Variants in EAF2 observed in about 807,000 individuals in gnomAD.
EAF2 encodes the protein ELL associated factor 2.
EAF2 carries 29 observed loss-of-function variants against 29.4 expected under a neutral mutation model. The observed-to-expected ratio is 0.99, with a 90% CI of 0.73 to 1.35. The LOEUF is 1.35. Among genes scored for constraint, EAF2 ranks in the 40% most tolerant of loss-of-function variants. The pLI, the probability that EAF2 is intolerant of heterozygous loss-of-function variation, is 0.00. For synonymous variants in EAF2, 103 were observed against 102.5 expected, an observed-to-expected ratio of 1.00 and a Z score of -0.03; for missense variants, 292 against 312.0, an observed-to-expected ratio of 0.94 and a Z score of 0.48.
At chr3:121,874,405 G>C (rs1360544214) in intron 5 of EAF2, among the ~76,000 whole-genome samples, 1 of 151,762 alleles carries the variant, frequency 6.6e-6, no homozygotes, top group Non-Finnish European at 1.5e-5. Context: ...AGAGAACATG[G>C]AGAAAACTCA....
intron 1 of EAF2, among the ~76,000 whole-genome samples, chr3:121,842,752 G>C (rs1198974114): frequency 6.6e-6 from 1 of 151,966 alleles, no homozygotes; most frequent in Non-Finnish European, 1.5e-5. Flanking sequence ...CTCCTCAATA[G>C]CACTGTCCTT....
At chr3:121,850,240 T>C (rs1708607031) in intron 2 of EAF2, among the ~76,000 whole-genome samples, 1 of 131,024 alleles carries the variant, frequency 7.6e-6, no homozygotes, top group Non-Finnish European at 1.7e-5. Context: ...ATTTTTATCT[T>C]ATAGTTTATT....
At chr3:121,860,576 CT>C (rs1406005905) in intron 4 of EAF2, among the ~76,000 whole-genome samples, 1 of 151,924 alleles carries the variant, frequency 6.6e-6, no homozygotes, top group East Asian at 1.9e-4. Flanking sequence ...CTTTATTAGT[CT>C]TGCTAGTGGT....
intron 5 of EAF2, among the ~76,000 whole-genome samples, chr3:121,879,052 A>G (rs968079804): frequency 6.6e-6 from 1 of 151,316 alleles, no homozygotes; most frequent in Non-Finnish European, 1.5e-5. Flanking sequence ...CTTTTCAATA[A>G]TAGCCATTTT....
At chr3:121,845,038 G>A (rs1039993317) in intron 2 of EAF2, among the ~76,000 whole-genome samples, 2 of 151,474 alleles carry the variant, frequency 1.3e-5, no homozygotes. Context: ...AGATTTTATT[G>A]GGTAGACAAG....
At chr3:121,848,190 G>A (rs534000170) in intron 2 of EAF2, among the ~76,000 whole-genome samples, 11 of 152,218 alleles carry the variant, frequency 7.2e-5, no homozygotes, top group South Asian at 2.1e-4. Flanking sequence ...TTGTTAAGCC[G>A]CCTCTGAGCA....
intron 5 of EAF2, among the ~76,000 whole-genome samples, chr3:121,878,190 G>T (rs1184345985): frequency 2.0e-5 from 3 of 151,820 alleles, no homozygotes; most frequent in Non-Finnish European, 4.4e-5. Context: ...TCTTTAACAA[G>T]GGCTGAGAAG....
intron 2 of EAF2, among the ~76,000 whole-genome samples, chr3:121,850,522 A>G (rs1369277620): frequency 6.6e-6 from 1 of 151,926 alleles, no homozygotes; most frequent in African/African-American, 2.4e-5. Context: ...GAATACATTT[A>G]TTATCCCTTA....
chr3:121,880,461 T>C (rs1327330920), intron 5 of EAF2, among the ~76,000 whole-genome samples: 1 of 88,940 alleles, frequency 1.1e-5, no homozygotes, highest in Non-Finnish European at 2.4e-5. Context: ...TTGGGGTGTG[T>C]GTGTGTGTGT....
At chr3:121,866,707 A>G (rs935994718) in intron 4 of EAF2, among the ~76,000 whole-genome samples, 8 of 152,150 alleles carry the variant, frequency 5.3e-5, no homozygotes, top group African/African-American at 1.7e-4. Flanking sequence ...CCTGGGCAAC[A>G]GAGCAAAACT....
chr3:121,878,703 T>A (rs1380184635), intron 5 of EAF2, among the ~76,000 whole-genome samples: 1 of 152,136 alleles, frequency 6.6e-6, no homozygotes, highest in Non-Finnish European at 1.5e-5. Flanking sequence ...GACTTCCAGT[T>A]CCATTCATAC....
chr3:121,838,321 A>G (rs923341372), intron 1 of EAF2, among the ~76,000 whole-genome samples: 3 of 152,150 alleles, frequency 2.0e-5, no homozygotes, highest in African/African-American at 7.2e-5. Flanking sequence ...TGAGAAATGA[A>G]CTATTTAGTC....
chr3:121,859,135 A>T (rs975532179), intron 4 of EAF2, among the ~76,000 whole-genome samples: 1 of 152,024 alleles, frequency 6.6e-6, no homozygotes, highest in Non-Finnish European at 1.5e-5. Flanking sequence ...TTGGCTTAGG[A>T]TTGTCTTGGC....
intron 2 of EAF2, among the ~76,000 whole-genome samples, chr3:121,851,627 G>C (rs1455203909): frequency 6.6e-6 from 1 of 152,132 alleles, no homozygotes; most frequent in East Asian, 1.9e-4. Context: ...GATCATGGAG[G>C]GTCCATGTGC....
At chr3:121,840,925 A>G (rs1419932943) in intron 1 of EAF2, among the ~76,000 whole-genome samples, 1 of 152,108 alleles carries the variant, frequency 6.6e-6, no homozygotes, top group Admixed American at 6.6e-5. Context: ...GGTAGTACGG[A>G]AAGGACTGCA....
intron 5 of EAF2, 95 bp from the exon 6 acceptor site, chr3:121,886,247 C>G (rs1027450944): frequency 1.3e-5 from 9 of 697,670 alleles, no homozygotes; most frequent in Non-Finnish European, 1.9e-5. Flanking sequence ...AACAGAATCA[C>G]GCTTGGGGGC....
At chr3:121,859,122 C>A (rs1221650579) in intron 4 of EAF2, among the ~76,000 whole-genome samples, 1 of 152,138 alleles carries the variant, frequency 6.6e-6, no homozygotes, top group African/African-American at 2.4e-5. Context: ...CGGCTTTGTT[C>A]TTTTGGCTTA....
chr3:121,855,643 A>G (rs1708705888), intron 3 of EAF2, among the ~76,000 whole-genome samples: 1 of 152,164 alleles, frequency 6.6e-6, no homozygotes, highest in African/African-American at 2.4e-5. Flanking sequence ...ATTAGAGAGG[A>G]GATGAGAATG....
chr3:121,850,243 A>T (rs1708607168), intron 2 of EAF2, among the ~76,000 whole-genome samples: 1 of 130,670 alleles, frequency 7.7e-6, no homozygotes, highest in South Asian at 2.5e-4. Context: ...TTTATCTTAT[A>T]GTTTATTAGT....
Sources: allele counts gnomAD v4.1 joint callset (sites outside exome capture counted in the v4.1 genomes callset), GRCh38; gene constraint gnomAD v4.1.1; transcripts MANE v1.5; gene names NCBI Gene and HGNC (gene_info 2026-07-23, HGNC 2026-07-21).